PRKG1: variants seen among roughly 807,000 people sequenced by gnomAD.
PRKG1 encodes the protein cGMP-dependent protein kinase 1.
In PRKG1, 35 loss-of-function variants were observed where a neutral mutation model predicts 88.1. That is an observed-to-expected ratio of 0.40 (90% CI 0.30 to 0.53). The LOEUF (loss-of-function observed/expected upper bound fraction) is 0.53. Among genes scored for constraint, PRKG1 ranks in the 20% least tolerant of loss-of-function variants. The probability of loss-of-function intolerance (pLI) is 0.59; values close to 1 mark genes in which losing one functional copy is unlikely to be tolerated. For missense variants in PRKG1, 540 were observed against 839.8 expected, an observed-to-expected ratio of 0.64 and a Z score of 4.41; for synonymous variants, 303 against 292.5, an observed-to-expected ratio of 1.04 and a Z score of -0.37.
At chr10:51,051,927 G>T (rs554788464) in intron 1 of PRKG1, among the ~76,000 whole-genome samples, 1 of 152,020 alleles carries the variant, frequency 6.6e-6, no homozygotes, top group Non-Finnish European at 1.5e-5. Context: ...ACACATGTGG[G>T]TAGATTAAGT....
chr10:51,087,277 T>C (rs1244019386), intron 1 of PRKG1, among the ~76,000 whole-genome samples: 1 of 151,664 alleles, frequency 6.6e-6, no homozygotes, highest in East Asian at 1.9e-4. Flanking sequence ...TTGTCTTTAA[T>C]GGTCAATTAT....
At chr10:52,075,285 G>A (rs149603133) in intron 7 of PRKG1, among the ~76,000 whole-genome samples, 29 of 152,220 alleles carry the variant, frequency 1.9e-4, no homozygotes, top group African/African-American at 6.7e-4. Flanking sequence ...AAGATATTAC[G>A]TTCATACGTT....
chr10:51,696,445 A>G (rs1841295286), intron 3 of PRKG1: 1 of 152,034 alleles, frequency 6.6e-6, no homozygotes, highest in Admixed American at 6.6e-5. Flanking sequence ...ATGTAAGAGA[A>G]TTACTGACTC....
At chr10:51,897,925 G>A (rs1266022803) in intron 4 of PRKG1, among the ~76,000 whole-genome samples, 1 of 151,828 alleles carries the variant, frequency 6.6e-6, no homozygotes, top group East Asian at 1.9e-4. Context: ...ATCCTGCAAT[G>A]GCTCTACATT....
chr10:52,036,559 G>T (rs1029704825), intron 5 of PRKG1, among the ~76,000 whole-genome samples: 34 of 152,004 alleles, frequency 2.2e-4, no homozygotes, highest in Admixed American at 2.6e-4. Flanking sequence ...AGATGGTAAC[G>T]GGTGCATGAT....
intron 3 of PRKG1, among the ~76,000 whole-genome samples, chr10:51,710,540 T>G (rs532644426): frequency 3.5e-4 from 54 of 152,340 alleles, no homozygotes; most frequent in Non-Finnish European, 6.8e-4. Flanking sequence ...GCCTGCTCTA[T>G]GGATAGTACA....
At chr10:51,309,511 A>G (rs1038623256) in intron 2 of PRKG1, among the ~76,000 whole-genome samples, 1 of 152,218 alleles carries the variant, frequency 6.6e-6, no homozygotes, top group African/African-American at 2.4e-5. Flanking sequence ...ATCACTAATC[A>G]TCAGAAAAGA....
At chr10:52,242,146 G>A (rs1314158438) in intron 9 of PRKG1, 1 of 152,162 alleles carries the variant, frequency 6.6e-6, no homozygotes, top group East Asian at 1.9e-4. Context: ...AGCAGGAGGA[G>A]GAGTCATTTT....
intron 9 of PRKG1, among the ~76,000 whole-genome samples, chr10:52,245,899 G>A (rs994192849): frequency 6.6e-6 from 1 of 151,852 alleles, no homozygotes; most frequent in African/African-American, 2.4e-5. Context: ...TTGTTCTGTT[G>A]GCTCTGAATT....
At chr10:51,111,206 T>G (rs929555299) in intron 1 of PRKG1, among the ~76,000 whole-genome samples, 11 of 152,180 alleles carry the variant, frequency 7.2e-5, no homozygotes, top group African/African-American at 2.7e-4. Context: ...TAAAGAACCA[T>G]TAAATCATTT....
intron 3 of PRKG1, among the ~76,000 whole-genome samples, chr10:51,586,100 C>G (rs1468401160): frequency 6.6e-6 from 1 of 151,958 alleles, no homozygotes; most frequent in Non-Finnish European, 1.5e-5. Context: ...ATTTTACAAA[C>G]CTGCACATAT....
chr10:51,005,303 C>T (rs1433631330), intron 1 of PRKG1, among the ~76,000 whole-genome samples: 1 of 152,030 alleles, frequency 6.6e-6, no homozygotes. Context: ...CCGGGAATCA[C>T]AGATTTAAAA....
At chr10:51,936,240 A>G (rs1439913109) in intron 5 of PRKG1, among the ~76,000 whole-genome samples, 1 of 152,020 alleles carries the variant, frequency 6.6e-6, no homozygotes, top group African/African-American at 2.4e-5. Context: ...TATCTCTATC[A>G]TAGCAATTTA....
chr10:52,292,765 A>G (rs1252118391), intron 17 of PRKG1, among the ~76,000 whole-genome samples: 3 of 152,020 alleles, frequency 2.0e-5, no homozygotes, highest in Non-Finnish European at 4.4e-5. Flanking sequence ...ATATCTCAAA[A>G]TAATAAGAGC....
chr10:51,348,694 C>T (rs1011270145), intron 2 of PRKG1, among the ~76,000 whole-genome samples: 2 of 152,154 alleles, frequency 1.3e-5, no homozygotes, highest in African/African-American at 4.8e-5. Flanking sequence ...AGAACTCGAC[C>T]TTGGTCTCAT....
intron 2 of PRKG1, among the ~76,000 whole-genome samples, chr10:51,172,986 T>C (rs764735816): frequency 1.3e-5 from 2 of 151,996 alleles, no homozygotes; most frequent in Non-Finnish European, 2.9e-5. Flanking sequence ...AACAAATAAT[T>C]AGCATTTGAA....
chr10:51,155,562 T>A (rs1846185818), intron 2 of PRKG1, among the ~76,000 whole-genome samples: 1 of 151,962 alleles, frequency 6.6e-6, no homozygotes, highest in Non-Finnish European at 1.5e-5. Context: ...AACTGTTAAC[T>A]ATGGGGCTAT....
chr10:51,103,980 T>A (rs1161759637), intron 1 of PRKG1, among the ~76,000 whole-genome samples: 1 of 152,168 alleles, frequency 6.6e-6, no homozygotes, highest in Non-Finnish European at 1.5e-5. Flanking sequence ...TATAGAGTCA[T>A]AACAATGTGA....
chr10:52,111,802 G>A (rs1344158347), intron 7 of PRKG1, among the ~76,000 whole-genome samples: 1 of 152,140 alleles, frequency 6.6e-6, no homozygotes, highest in Non-Finnish European at 1.5e-5. Flanking sequence ...AAGACATTAT[G>A]AATCTTGAGG....
Sources: allele counts gnomAD v4.1 joint callset (sites outside exome capture counted in the v4.1 genomes callset), GRCh38; gene constraint gnomAD v4.1.1; transcripts MANE v1.5; gene names NCBI Gene and HGNC (gene_info 2026-07-23, HGNC 2026-07-21).